The following GOLGA4 variants were observed in gnomAD, a reference collection of about 807,000 sequenced individuals.
GOLGA4 encodes golgin subfamily A member 4.
GOLGA4 carries 169 observed loss-of-function variants against 265.9 expected under a neutral mutation model. The observed-to-expected ratio is 0.64, with a 90% CI of 0.56 to 0.72. The LOEUF (loss-of-function observed/expected upper bound fraction) is 0.72. Ranked by LOEUF, GOLGA4 falls within the 30% of genes least tolerant of loss-of-function variation. The pLI, the probability that GOLGA4 is intolerant of heterozygous loss-of-function variation, is 0.00. For missense variants in GOLGA4, 2,482 were observed against 2,483.4 expected, an observed-to-expected ratio of 1.00 and a Z score of 0.01; for synonymous variants, 923 against 855.8, an observed-to-expected ratio of 1.08 and a Z score of -1.37.
At chr3:37,331,991 G>T (rs986180154) in intron 16 of GOLGA4, among the ~76,000 whole-genome samples, 1 of 152,110 alleles carries the variant, frequency 6.6e-6, no homozygotes, top group Non-Finnish European at 1.5e-5. Flanking sequence ...CACAGTCTGT[G>T]CTACCATTTT....
At position 37,302,215 on chromosome 3, in the gene GOLGA4, A is replaced by C. The variant is rs754797563; in HGVS notation, c.1117A>C (p.Met373Leu). The change falls in exon 10 of 24, where the codon ATG becomes CTG. Residue 373 changes from methionine (M) to leucine (L), a missense_variant. Physicochemically the swap from Met to Leu is conservative, Grantham distance 15. Coordinates refer to ENST00000361924, the MANE Select transcript of GOLGA4 (RefSeq NM_002078.5). ...GMVIAETKRQ[M>L]HETLEMKEEE... ...GGTAATCGCAGAGACAAAACGTCAGATGCATGAAACCCTGGAAATGAAAGA... is the reference window on the plus strand; with the variant it reads ...GGTAATCGCAGAGACAAAACGTCAGCTGCATGAAACCCTGGAAATGAAAGA... 2 of 1,613,420 alleles carry C rather than the reference A, an allele frequency of 1.2e-6. No homozygotes were observed. The highest frequency in any genetic ancestry group is 4.5e-5 in the East Asian group (2 of 44,858).
chr3:37,301,611 A>G (rs921006642), intron 9 of GOLGA4, among the ~76,000 whole-genome samples: 1 of 152,216 alleles, frequency 6.6e-6, no homozygotes, highest in African/African-American at 2.4e-5. Flanking sequence ...CTTTTAAGTA[A>G]TAATGTTTTA....
intron 14 of GOLGA4, 138 bp from the exon 15 acceptor site, chr3:37,328,274 TCTCA>T (rs1559441930): frequency 1.1e-4 from 77 of 688,390 alleles, no homozygotes; most frequent in Non-Finnish European, 1.6e-4. Context: ...ACACACTCAC[TCTCA>T]CACTCTCTCT....
rs1032753251 is a variant in GOLGA4 at position 37,256,085 on chromosome 3, A to G, written c.162+4601A>G. Among the ~76,000 whole-genome samples the G allele has an allele frequency of 2.0e-5, 3 of 152,232 alleles. No individual in the cohort carries two copies. The South Asian group carries it at 6.2e-4, about 32-fold the overall frequency. ...TGGTGTGAAGTAGGGATCAAGTTTC[A>G]TCCCCTCCAGTATGTGTATCCGGTT... On this transcript the variant is annotated intron_variant, in intron 2 of 23. Coordinates refer to ENST00000361924, the MANE Select transcript of GOLGA4 (RefSeq NM_002078.5).
At chr3:37,307,009 A>G (rs2096908227) in intron 10 of GOLGA4, among the ~76,000 whole-genome samples, 1 of 152,190 alleles carries the variant, frequency 6.6e-6, no homozygotes, top group African/African-American at 2.4e-5. Context: ...CCCATGCCAC[A>G]ATGTTAATCC....
At position 37,251,775 on chromosome 3, in the gene GOLGA4, T is replaced by C. The variant is rs1168920854; in HGVS notation, c.162+291T>C. ...TCACTGCACATTGCAGCCTTGACCT[T>C]CTGGATTCAAGTGATCCTCTAACTT... On this transcript the variant is annotated intron_variant, in intron 2 of 23. Transcript: ENST00000361924. 2.6e-5 allele frequency among the ~76,000 whole-genome samples: 4 copies of C among 152,258 alleles called. No individual in the cohort carries two copies. In the South Asian group the frequency reaches 6.2e-4, roughly 24 times the overall value.
At chr3:37,362,773 C>T (rs955438568) in intron 23 of GOLGA4, among the ~76,000 whole-genome samples, 3 of 100,400 alleles carry the variant, frequency 3.0e-5, no homozygotes, top group Non-Finnish European at 4.7e-5. Context: ...CTACCTCAGC[C>T]TCTAAGCTTT....
chr3:37,337,088 T>C, intron 17 of GOLGA4, 55 bp from the exon 18 acceptor site: 2 of 1,084,944 alleles, frequency 1.8e-6, no homozygotes, highest in Non-Finnish European at 2.8e-6. Flanking sequence ...TTTGTTTTAC[T>C]GTTTCTTATA....
At chr3:37,260,221 G>T (rs2096765771) in intron 2 of GOLGA4, among the ~76,000 whole-genome samples, 1 of 151,334 alleles carries the variant, frequency 6.6e-6, no homozygotes, top group South Asian at 2.1e-4. Context: ...AACTTGTGTT[G>T]GGCCTCATTC....
chr3:37,308,227 C>G (rs1372475103), intron 10 of GOLGA4, among the ~76,000 whole-genome samples: 1 of 150,006 alleles, frequency 6.7e-6, no homozygotes, highest in Non-Finnish European at 1.5e-5. Flanking sequence ...GAACGAAACT[C>G]TGTCTCAAAA....
chr3:37,340,985 G>A (rs1578794157), intron 20 of GOLGA4, among the ~76,000 whole-genome samples: 2 of 152,186 alleles, frequency 1.3e-5, no homozygotes, highest in Admixed American at 1.3e-4. Flanking sequence ...GGCCAACATG[G>A]TGAAACCCCA....
intron 10 of GOLGA4, 29 bp downstream of exon 10, chr3:37,302,361 G>T: frequency 6.3e-7 from 1 of 1,587,052 alleles, no homozygotes; most frequent in Non-Finnish European, 8.6e-7. Flanking sequence ...CTTGTTTTAT[G>T]TTGGAACTCA....
At position 37,327,488 on chromosome 3, in the gene GOLGA4, G is replaced by T; in HGVS notation, c.5602G>T (p.Glu1868Ter). 6.2e-7 allele frequency: 1 copy of T among 1,613,324 alleles called. No individual in the cohort carries two copies. The highest frequency in any genetic ancestry group is 1.1e-5 in the South Asian group (1 of 90,982). ...GGATTCCTGCTTAGTAAGACAGAAAGAAGTACATAGAGTTGAAATGGAAGA... is the reference window on the plus strand; with the variant it reads ...GGATTCCTGCTTAGTAAGACAGAAATAAGTACATAGAGTTGAAATGGAAGA... ...ELDSCLVRQK[E>*]VHRVEMEELT... Residue 1868 changes from glutamate to a stop codon, truncating the protein, a stop_gained, in exon 14 of 24, where the codon GAA (glutamate) becomes TAA (stop). Coordinates refer to ENST00000361924, the MANE Select transcript of GOLGA4 (RefSeq NM_002078.5). LOFTEE classifies it high-confidence loss of function.
intron 13 of GOLGA4, among the ~76,000 whole-genome samples, 199 bp downstream of exon 13, chr3:37,322,085 T>G (rs1487750017): frequency 1.3e-5 from 2 of 152,204 alleles, no homozygotes; most frequent in Non-Finnish European, 2.9e-5. Context: ...TGCTCCTGGT[T>G]CTGCCTTTAG....
At position 37,366,396 on chromosome 3, in the gene GOLGA4, G is replaced by A. The variant is rs537193140; in HGVS notation, c.*350G>A. On this transcript the variant is annotated 3_prime_UTR_variant, in exon 24 of 24. Coordinates refer to ENST00000361924, the MANE Select transcript of GOLGA4 (RefSeq NM_002078.5). ...CTTTCATCCATTCTTTTTAAAGAAC[G>A]GCTTACCTTTCCTATTTATTTTTAG... 2.1e-5 allele frequency: 7 copies of A among 334,278 alleles called. No individual in the cohort carries two copies. Among genetic ancestry groups the A allele is most frequent in the Non-Finnish European group, 3.7e-5 (7 of 186,702 alleles). The allele number at this position is 334,278 out of a possible 1,614,324, so 20.7% of individuals were successfully genotyped here.
intron 2 of GOLGA4, among the ~76,000 whole-genome samples, chr3:37,272,541 A>G (rs1273391116): frequency 6.6e-6 from 1 of 152,334 alleles, no homozygotes; most frequent in Non-Finnish European, 1.5e-5. Flanking sequence ...TGTCTCAGAA[A>G]AAAAGGATTA....
At chr3:37,256,135 A>C (rs949918633) in intron 2 of GOLGA4, among the ~76,000 whole-genome samples, 1 of 151,950 alleles carries the variant, frequency 6.6e-6, no homozygotes, top group African/African-American at 2.4e-5. Flanking sequence ...ACACTGCTCT[A>C]CTGTTCTACA....
rs143649671 is a variant in GOLGA4 at position 37,324,157 on chromosome 3, A to G, written c.2271A>G (p.Gln757=). ...GGACTGAGAAGGCATTAAAAGATCA[A>G]ATTAATCAACTTGAGCTTCTCTTGA... is the stretch of plus-strand genomic sequence containing the variant. ...IQRTEKALKD[Q]INQLELLLKE... The change falls in exon 14 of 24, where the codon CAA becomes CAG. Residue 757 remains glutamine, a synonymous_variant. Coordinates refer to ENST00000361924, the MANE Select transcript of GOLGA4 (RefSeq NM_002078.5). 267 of 1,614,086 alleles carry G rather than the reference A, an allele frequency of 1.7e-4. 1 individual carries two copies. The East Asian group carries it at 5.9e-3, about 35-fold the overall frequency.
chr3:37,286,331 T>G (rs2096849304), intron 4 of GOLGA4, among the ~76,000 whole-genome samples: 1 of 150,690 alleles, frequency 6.6e-6, no homozygotes, highest in Admixed American at 6.6e-5. Context: ...TTTTTTGTAT[T>G]TTTAGTAGAG....
Sources: allele counts gnomAD v4.1 joint callset (sites outside exome capture counted in the v4.1 genomes callset), GRCh38; gene constraint gnomAD v4.1.1; transcripts MANE v1.5; gene names NCBI Gene and HGNC (gene_info 2026-07-23, HGNC 2026-07-21).